The following CUX1 variants were observed in gnomAD, a reference collection of about 807,000 sequenced individuals.
CUX1 encodes the protein cut like homeobox 1, also known as protein CASP.
Under a neutral mutation model 158.8 loss-of-function variants are expected in CUX1, and 31 were observed. That is an observed-to-expected ratio of 0.20 (90% CI 0.15 to 0.26). CUX1 has a LOEUF of 0.26. Among genes scored for constraint, CUX1 ranks in the 10% least tolerant of loss-of-function variants. The pLI is 1.00. For missense variants in CUX1, 1,589 were observed against 2,014.6 expected (o/e 0.79, Z 4.04); for synonymous variants, 879 against 862.1 (o/e 1.02, Z -0.34).
At chr7:102,158,676 T>C in intron 9 of CUX1, 68 bp downstream of exon 9, 2 of 1,481,840 alleles carry the variant, frequency 1.3e-6, no homozygotes, top group Non-Finnish European at 1.9e-6. Flanking sequence ...TCTCGGAAGA[T>C]GCGTCACCCG....
chr7:102,227,020 G>A (rs1452713101), intron 20 of CUX1, among the ~76,000 whole-genome samples: 2 of 152,144 alleles, frequency 1.3e-5, no homozygotes, highest in Non-Finnish European at 2.9e-5. Context: ...TCTAGCCAAA[G>A]TGCTTCTGAA....
At chr7:101,864,099 C>T (rs1018522391) in intron 1 of CUX1, among the ~76,000 whole-genome samples, 7 of 151,886 alleles carry the variant, frequency 4.6e-5, no homozygotes, top group African/African-American at 1.7e-4. Context: ...TTTAAATTCC[C>T]ACCAATGGTG....
intron 2 of CUX1, among the ~76,000 whole-genome samples, chr7:101,972,030 T>G (rs1363713519): frequency 6.6e-6 from 1 of 152,198 alleles, no homozygotes; most frequent in Non-Finnish European, 1.5e-5. Context: ...GCAGTGGCGC[T>G]ATCTTGGCTC....
intron 2 of CUX1, among the ~76,000 whole-genome samples, chr7:101,990,446 G>T (rs1814952353): frequency 6.6e-6 from 1 of 151,882 alleles, no homozygotes; most frequent in Non-Finnish European, 1.5e-5. Context: ...GTGAGATCTT[G>T]GTTCACTGCA....
chr7:102,103,790 A>G (rs1830043696), intron 5 of CUX1, among the ~76,000 whole-genome samples: 1 of 151,610 alleles, frequency 6.6e-6, no homozygotes. Flanking sequence ...GTGGGTACAT[A>G]GTAGGTGTCT....
intron 20 of CUX1, among the ~76,000 whole-genome samples, chr7:102,217,941 G>C (rs2132244618): frequency 6.6e-6 from 1 of 152,266 alleles, no homozygotes; most frequent in East Asian, 1.9e-4. Context: ...GGAGGCTCCG[G>C]ATGGATGCGA....
chr7:102,201,025 TAAAA>T lies in CUX1; in HGVS notation c.2063-309_2063-306del, dbSNP rs78359248. Reference sequence around the variant, plus strand: ...CTGGACAACAGCGAGATCCTGTCGCTAAAAAAAAAAAAAAAAAAAAAAAAAAAAA... The same window carrying T: ...CTGGACAACAGCGAGATCCTGTCGCTAAAAAAAAAAAAAAAAAAAAAAAAA... On this transcript the variant is annotated intron_variant, in intron 17 of 23. Coordinates refer to ENST00000292535, the MANE Select transcript of CUX1 (RefSeq NM_181552.4). This position sits in a 1 kb window ranked among gnomAD's most constrained non-coding sequence, Gnocchi z 5.0. Among the ~76,000 whole-genome samples, 396 of 42,122 alleles carry T rather than the reference TAAAA, an allele frequency of 9.4e-3. 2 individuals are homozygous for T. Among genetic ancestry groups the T allele is most frequent in the South Asian group, 0.049 (37 of 762 alleles). The allele number at this position is 42,122 out of a possible 152,430, so 27.6% of individuals were successfully genotyped here. A position where few individuals can be genotyped will look rare whatever the true frequency, so the allele number is the denominator to read the frequency against.
In CUX1 at chr7:102,248,084, T is replaced by C. The variant is rs922651582; in HGVS notation, c.3888-328T>C. Among the ~76,000 whole-genome samples, 1 of 152,180 alleles carries C rather than the reference T, an allele frequency of 6.6e-6. No individual in the cohort carries two copies. Among genetic ancestry groups the C allele is most frequent in the African/African-American group, 2.4e-5 (1 of 41,452 alleles). On this transcript the variant is annotated intron_variant, in intron 23 of 23. Transcript: ENST00000292535. The surrounding 1 kb of genome is among the most constrained non-coding windows in gnomAD (Gnocchi z 5.8). ...AGGCAGAGGTTGCAGTCTGCGGAGA[T>C]TGAGCCACTGCACTCCACCTGGGCA...
chr7:101,989,443 C>T (rs1272779465), intron 2 of CUX1, among the ~76,000 whole-genome samples: 1 of 152,230 alleles, frequency 6.6e-6, no homozygotes, highest in Non-Finnish European at 1.5e-5. Context: ...CTGGATTTCT[C>T]AGATGGGAAA....
rs782755221 is a variant in CUX1, at chr7:102,200,186, T to G, written c.2062+14T>G. The G allele has an allele frequency of 5.0e-6, 8 of 1,595,808 alleles. No individual in the cohort carries two copies. In the Admixed American group the frequency reaches 8.7e-5, roughly 17 times the overall value. On this transcript the variant is annotated intron_variant, in intron 17 of 23. Transcript: ENST00000292535. ...TGCAGAAAACTGGTACAGCTTCCAT[T>G]TCTTCATCCACTGTCTTCAAACTTA...
Position 102,073,165 on chromosome 7 carries a change from C to CTTTTTTTTTTTTTTTTTTTTTTT in CUX1, c.268+2750_268+2772dup, listed in dbSNP as rs869202667. ...AAATAATATGTAATCTCTTTTCTTT[C>CTTTTTTTTTTTTTTTTTTTTTTT]TTTTTTTTTTTTTTTTTTTTTTTTC... On this transcript the variant is annotated intron_variant, in intron 4 of 23. Coordinates refer to ENST00000292535, the MANE Select transcript of CUX1 (RefSeq NM_181552.4). Among the ~76,000 whole-genome samples the CTTTTTTTTTTTTTTTTTTTTTTT allele has an allele frequency of 1.1e-3, 73 of 66,880 alleles. 17 individuals are homozygous for CTTTTTTTTTTTTTTTTTTTTTTT. The highest frequency in any genetic ancestry group is 4.6e-3 in the African/African-American group (71 of 15,588). 43.9% of individuals were successfully genotyped at this position (66,880 alleles called of 152,430 possible).
At position 102,132,765 on chromosome 7, in the gene CUX1, A is replaced by G. The variant is rs1423510978; in HGVS notation, c.674+17492A>G. On this transcript the variant is annotated intron_variant, in intron 8 of 23. Coordinates refer to ENST00000292535, the MANE Select transcript of CUX1 (RefSeq NM_181552.4). ...CTGCTCACTGCAACCTCCACCTCCCAGGTTCAAGCGATTCTCCTGCCTCAG... is the reference window on the plus strand; with the variant it reads ...CTGCTCACTGCAACCTCCACCTCCCGGGTTCAAGCGATTCTCCTGCCTCAG... Among the ~76,000 whole-genome samples, 8 of 128,504 alleles carry G rather than the reference A, an allele frequency of 6.2e-5. No homozygotes were observed. In the Admixed American group the frequency reaches 7.3e-4, roughly 12 times the overall value. 84.3% of individuals were successfully genotyped at this position (128,504 alleles called of 152,430 possible). A position where few individuals can be genotyped will look rare whatever the true frequency, so the allele number is the denominator to read the frequency against.
intron 5 of CUX1, among the ~76,000 whole-genome samples, chr7:102,102,472 G>T (rs1374284680): frequency 1.4e-5 from 2 of 142,934 alleles, no homozygotes; most frequent in African/African-American, 5.2e-5. Flanking sequence ...GCACTAAGCC[G>T]CGTGGGTGTT....
At chr7:102,211,243 T>A (rs1251396353) in intron 20 of CUX1, among the ~76,000 whole-genome samples, 1 of 149,870 alleles carries the variant, frequency 6.7e-6, no homozygotes, top group Non-Finnish European at 1.5e-5. Context: ...GTCAGAAGTT[T>A]GAGACCAGCC....
chr7:101,851,641 G>A (rs1241607321), intron 1 of CUX1, among the ~76,000 whole-genome samples: 1 of 152,108 alleles, frequency 6.6e-6, no homozygotes, highest in Non-Finnish European at 1.5e-5. Context: ...CTGCATTTTT[G>A]TCCTTTGTTC....
chr7:102,189,937 C>T, intron 12 of CUX1, 66 bp downstream of exon 12: 1 of 1,556,470 alleles, frequency 6.4e-7, no homozygotes, highest in Non-Finnish European at 8.8e-7. Flanking sequence ...GCTAACAATG[C>T]CAGGCTGGTG....
At chr7:102,055,210 A>ATT (rs142598480) in intron 3 of CUX1, among the ~76,000 whole-genome samples, 10,291 of 147,350 alleles carry the variant, frequency 0.07, 530 homozygotes, top group African/African-American at 0.15. Flanking sequence ...TTATAAATGG[A>ATT]TTTTTTTTTT....
chr7:102,282,862 C>G, intron 22 of CUX1: 2 of 1,018,520 alleles, frequency 2.0e-6, no homozygotes, highest in Non-Finnish European at 2.8e-6. Flanking sequence ...GCCTCATGTC[C>G]CCCACTCCTT....
intron 23 of CUX1, among the ~76,000 whole-genome samples, chr7:102,244,340 A>AC (rs1554536129): frequency 1.3e-5 from 2 of 150,958 alleles, no homozygotes; most frequent in Non-Finnish European, 3.0e-5. Flanking sequence ...CAAAAAAAAA[A>AC]CCGAGCTTTA....
Sources: allele counts gnomAD v4.1 joint callset (sites outside exome capture counted in the v4.1 genomes callset), GRCh38; gene constraint gnomAD v4.1.1; non-coding constraint Gnocchi (gnomAD v3.1); transcripts MANE v1.5; gene names NCBI Gene and HGNC (gene_info 2026-07-23, HGNC 2026-07-21).